ZNF804B: variants seen among roughly 807,000 people sequenced by gnomAD.
ZNF804B encodes zinc finger 804B.
In ZNF804B, 80 loss-of-function variants were observed where a neutral mutation model predicts 101.4. The ratio of observed to expected loss-of-function variants is 0.79; its 90% CI spans 0.66 to 0.95. The LOEUF is 0.95. Ranked by LOEUF, ZNF804B falls within the 40% of genes least tolerant of loss-of-function variation. The pLI, the probability that ZNF804B is intolerant of heterozygous loss-of-function variation, is 0.00. For missense variants in ZNF804B, 1,673 were observed against 1,561.9 expected, an observed-to-expected ratio of 1.07 and a Z score of -1.20; for synonymous variants, 622 against 558.8, an observed-to-expected ratio of 1.11 and a Z score of -1.59.
chr7:88,855,830 C>T (rs1361900782), intron 1 of ZNF804B, among the ~76,000 whole-genome samples: 1 of 152,158 alleles, frequency 6.6e-6, no homozygotes, highest in African/African-American at 2.4e-5. Flanking sequence ...TATGGCTAGC[C>T]AGTTTTCCCA....
At chr7:88,843,165 T>C (rs1791312853) in intron 1 of ZNF804B, among the ~76,000 whole-genome samples, 1 of 152,188 alleles carries the variant, frequency 6.6e-6, no homozygotes, top group Non-Finnish European at 1.5e-5. Context: ...AATTGTATTA[T>C]TGGTGTTTGT....
rs183857750 is a variant in ZNF804B at position 89,182,145 on chromosome 7, A to G, written c.109-36010A>G. Reference sequence around the variant, plus strand: ...TTACAAAGAGGTATGCTACCTAATCATAGATATTAAATCACTAATTTTTAT... The same window carrying G: ...TTACAAAGAGGTATGCTACCTAATCGTAGATATTAAATCACTAATTTTTAT... On this transcript the variant is annotated intron_variant, in intron 1 of 3. Transcript: ENST00000333190. Among the ~76,000 whole-genome samples, 570 of 152,320 alleles carry G rather than the reference A, an allele frequency of 3.7e-3. 1 individual carries two copies. Among genetic ancestry groups the G allele is most frequent in the African/African-American group, 0.013 (530 of 41,574 alleles).
intron 2 of ZNF804B, among the ~76,000 whole-genome samples, chr7:89,258,608 C>T (rs1789669293): frequency 6.6e-6 from 1 of 152,052 alleles, no homozygotes; most frequent in Non-Finnish European, 1.5e-5. Flanking sequence ...GGAAACCAAC[C>T]TCTCTTCCAG....
At chr7:89,078,307 C>T (rs1411354111) in intron 1 of ZNF804B, among the ~76,000 whole-genome samples, 7 of 151,986 alleles carry the variant, frequency 4.6e-5, no homozygotes, top group Non-Finnish European at 8.8e-5. Context: ...AAAACAAATG[C>T]TAAGCTTTAT....
At chr7:89,152,776 A>G (rs1309823962) in intron 1 of ZNF804B, among the ~76,000 whole-genome samples, 1 of 152,096 alleles carries the variant, frequency 6.6e-6, no homozygotes, top group African/African-American at 2.4e-5. Context: ...TTAAGTCTAA[A>G]TTATTATCAC....
chr7:89,326,909 T>C (rs931088939), intron 2 of ZNF804B, among the ~76,000 whole-genome samples: 11 of 150,594 alleles, frequency 7.3e-5, no homozygotes, highest in Admixed American at 4.0e-4. Flanking sequence ...CAGATGCTCT[T>C]TCCTGAAACA....
chr7:88,952,151 G>T lies in ZNF804B; in HGVS notation c.108+192067G>T, dbSNP rs550442566. Among the ~76,000 whole-genome samples the T allele has an allele frequency of 1.3e-4, 19 of 151,848 alleles. No homozygotes were observed. In the South Asian group the frequency reaches 3.7e-3, roughly 30 times the overall value. On this transcript the variant is annotated intron_variant, in intron 1 of 3. Coordinates refer to ENST00000333190, the MANE Select transcript of ZNF804B (RefSeq NM_181646.5). Reference sequence around the variant, plus strand: ...CTCACTTCTCAGATTGATGGGTCTCGTAAAGTCCTATTGGCTTTGTTGACT... The same window carrying T: ...CTCACTTCTCAGATTGATGGGTCTCTTAAAGTCCTATTGGCTTTGTTGACT...
intron 1 of ZNF804B, among the ~76,000 whole-genome samples, chr7:89,095,962 T>C (rs1225925393): frequency 6.6e-6 from 1 of 151,708 alleles, no homozygotes; most frequent in Admixed American, 6.6e-5. Context: ...CCATCTTGGC[T>C]AACATGGTGA....
chr7:88,888,776 T>TGTTTA (rs1191904228), intron 1 of ZNF804B, among the ~76,000 whole-genome samples: 1 of 152,176 alleles, frequency 6.6e-6, no homozygotes, highest in Non-Finnish European at 1.5e-5. Flanking sequence ...TTTTTCGTTT[T>TGTTTA]GTTTTGTTTT....
chr7:88,977,034 T>C (rs912199129), intron 1 of ZNF804B, among the ~76,000 whole-genome samples: 5 of 151,776 alleles, frequency 3.3e-5, no homozygotes, highest in Admixed American at 6.6e-5. Context: ...ATGTATCACA[T>C]TGATTGATTT....
chr7:88,847,170 A>G (rs1418528495), intron 1 of ZNF804B, among the ~76,000 whole-genome samples: 2 of 151,960 alleles, frequency 1.3e-5, no homozygotes, highest in Non-Finnish European at 2.9e-5. Context: ...TAAGAAAAAT[A>G]TTAATATATA....
intron 1 of ZNF804B, among the ~76,000 whole-genome samples, chr7:88,868,048 A>AGTGTGTGT (rs34267852): frequency 8.4e-5 from 12 of 142,650 alleles, no homozygotes; most frequent in African/African-American, 1.8e-4. Context: ...TGTGTGTGTG[A>AGTGTGTGT]GTGTGTGTGT....
chr7:89,044,683 G>A (rs1789074674), intron 1 of ZNF804B, among the ~76,000 whole-genome samples: 1 of 152,162 alleles, frequency 6.6e-6, no homozygotes, highest in Admixed American at 6.5e-5. Flanking sequence ...CAAAGAGACT[G>A]GTGACATTTT....
rs1265872107 is a variant in ZNF804B at position 89,221,695 on chromosome 7, TA to T, written c.249+3401del. On this transcript the variant is annotated intron_variant, in intron 2 of 3. Transcript: ENST00000333190. The stretch of plus-strand genomic sequence containing the variant: ...GATAAACAACCTTCCTCAATATTTC[TA>T]TTCTATTCTATTCTATTCTATTCTA... Among the ~76,000 whole-genome samples the T allele has an allele frequency of 1.6e-3, 92 of 57,906 alleles. 1 individual carries two copies. Among genetic ancestry groups the T allele is most frequent in the Middle Eastern group, 8.1e-3 (1 of 124 alleles). The allele number at this position is 57,906 out of a possible 152,430, so 38.0% of individuals were successfully genotyped here. A position where few individuals can be genotyped will look rare whatever the true frequency, so the allele number is the denominator to read the frequency against.
At chr7:89,303,274 A>G (rs1262457001) in intron 2 of ZNF804B, among the ~76,000 whole-genome samples, 1 of 151,942 alleles carries the variant, frequency 6.6e-6, no homozygotes, top group African/African-American at 2.4e-5. Flanking sequence ...TCTCAAATGG[A>G]TATTTCAAAG....
chr7:88,898,743 C>T (rs1325939684), intron 1 of ZNF804B, among the ~76,000 whole-genome samples: 3 of 152,086 alleles, frequency 2.0e-5, no homozygotes, highest in East Asian at 3.9e-4. Flanking sequence ...GCCTCACTGC[C>T]CTTTATGTTG....
At chr7:88,836,476 C>T (rs1791216736) in intron 1 of ZNF804B, among the ~76,000 whole-genome samples, 1 of 151,748 alleles carries the variant, frequency 6.6e-6, no homozygotes, top group South Asian at 2.1e-4. Context: ...GCAAGAACAA[C>T]AATAACATTT....
intron 1 of ZNF804B, among the ~76,000 whole-genome samples, chr7:89,216,446 G>A (rs1788898573): frequency 6.6e-6 from 1 of 152,154 alleles, no homozygotes; most frequent in Non-Finnish European, 1.5e-5. Flanking sequence ...TGTATCAGCT[G>A]GCAATTTTCC....
At chr7:89,111,450 GTTT>G (rs1554365694) in intron 1 of ZNF804B, among the ~76,000 whole-genome samples, 2 of 136,624 alleles carry the variant, frequency 1.5e-5, no homozygotes, top group African/African-American at 5.7e-5. Flanking sequence ...TTGCCTTGTT[GTTT>G]TAATTTGTAG....
Sources: gnomAD v4.1 joint callset for allele counts (sites outside exome capture counted in the v4.1 genomes callset) on GRCh38, gnomAD v4.1.1 for gene constraint, MANE v1.5 for transcripts, NCBI Gene and HGNC (gene_info 2026-07-23, HGNC 2026-07-21) for gene names.